CACNA2D1: variants seen among roughly 807,000 people sequenced by gnomAD.
CACNA2D1 encodes calcium voltage-gated channel auxiliary subunit alpha2delta 1.
Under a neutral mutation model 171.5 loss-of-function variants are expected in CACNA2D1, and 53 were observed. The ratio of observed to expected loss-of-function variants is 0.31; its 90% CI spans 0.25 to 0.39. The LOEUF (loss-of-function observed/expected upper bound fraction) is 0.39, where lower values mean the gene tolerates loss of function less well. Among genes scored for constraint, CACNA2D1 ranks in the 10% least tolerant of loss-of-function variants. The pLI is 1.00. For missense variants in CACNA2D1, 903 were observed against 1,299.8 expected, an observed-to-expected ratio of 0.69 and a Z score of 4.69; for synonymous variants, 442 against 443.1, an observed-to-expected ratio of 1.00 and a Z score of 0.03.
At chr7:82,060,211 A>ATAATATATATATATTATATATATATT (rs374742133) in intron 10 of CACNA2D1, among the ~76,000 whole-genome samples, 4 of 31,364 alleles carry the variant, frequency 1.3e-4, no homozygotes, top group Admixed American at 7.5e-4. Flanking sequence ...TTATATATAT[A>ATAATATATATATATTATATATATATT]ATATATATAT....
chr7:81,963,095 T>C (rs1794334144), intron 34 of CACNA2D1, among the ~76,000 whole-genome samples: 1 of 151,916 alleles, frequency 6.6e-6, no homozygotes, highest in Non-Finnish European at 1.5e-5. Context: ...GGAGGGGATA[T>C]AGGATAAAGC....
At chr7:82,007,118 C>T (rs1799197224) in intron 16 of CACNA2D1, among the ~76,000 whole-genome samples, 1 of 151,726 alleles carries the variant, frequency 6.6e-6, no homozygotes, top group Admixed American at 6.6e-5. Context: ...CATTTTACTG[C>T]ATTGACAAAA....
At chr7:82,163,108 G>C (rs185007886) in intron 4 of CACNA2D1, among the ~76,000 whole-genome samples, 1 of 151,824 alleles carries the variant, frequency 6.6e-6, no homozygotes, top group Non-Finnish European at 1.5e-5. Context: ...ATTATCTCTG[G>C]GAATACAGTG....
At chr7:82,394,490 T>C (rs1260432790) in intron 1 of CACNA2D1, among the ~76,000 whole-genome samples, 1 of 152,126 alleles carries the variant, frequency 6.6e-6, no homozygotes, top group Non-Finnish European at 1.5e-5. Flanking sequence ...TGGAGATGGA[T>C]AGATACAGCC....
chr7:82,326,947 T>C (rs1198110957), intron 3 of CACNA2D1, among the ~76,000 whole-genome samples: 1 of 152,228 alleles, frequency 6.6e-6, no homozygotes, highest in Non-Finnish European at 1.5e-5. Flanking sequence ...TTTCATTCTA[T>C]TAAGTTTGTG....
intron 3 of CACNA2D1, among the ~76,000 whole-genome samples, chr7:82,235,002 A>T (rs1803385228): frequency 6.6e-6 from 1 of 152,148 alleles, no homozygotes. Context: ...GAAATAATAA[A>T]TGCACCTCCA....
chr7:82,099,535 C>A (rs1484652840), intron 6 of CACNA2D1, among the ~76,000 whole-genome samples: 1 of 66,482 alleles, frequency 1.5e-5, no homozygotes. Context: ...CTGCAAGCTC[C>A]GCCTCCCGGG....
At chr7:82,406,949 A>G (rs1293753898) in intron 1 of CACNA2D1, among the ~76,000 whole-genome samples, 1 of 152,236 alleles carries the variant, frequency 6.6e-6, no homozygotes, top group Non-Finnish European at 1.5e-5. Flanking sequence ...TGTATGTTTT[A>G]GTAATTTCAT....
At chr7:82,216,081 C>A (rs1446034651) in intron 3 of CACNA2D1, among the ~76,000 whole-genome samples, 3 of 152,136 alleles carry the variant, frequency 2.0e-5, no homozygotes, top group Admixed American at 6.6e-5. Flanking sequence ...TCACAGATTT[C>A]TTGGCCATAT....
chr7:82,434,179 T>C (rs1829932239), intron 1 of CACNA2D1, among the ~76,000 whole-genome samples: 1 of 152,320 alleles, frequency 6.6e-6, no homozygotes. Context: ...CTCACCTTTT[T>C]CTGCAGTTGT....
intron 3 of CACNA2D1, among the ~76,000 whole-genome samples, chr7:82,319,343 G>A (rs1358017084): frequency 6.6e-6 from 1 of 151,942 alleles, no homozygotes; most frequent in Non-Finnish European, 1.5e-5. Flanking sequence ...TGTTAACAAA[G>A]ACATCAAAAA....
At chr7:82,272,744 T>C (rs1808801294) in intron 3 of CACNA2D1, among the ~76,000 whole-genome samples, 1 of 152,216 alleles carries the variant, frequency 6.6e-6, no homozygotes, top group African/African-American at 2.4e-5. Flanking sequence ...AACTTATTTC[T>C]GAATGTTTCC....
chr7:82,011,916 T>C (rs1799823876), intron 15 of CACNA2D1: 1 of 402,962 alleles, frequency 2.5e-6, no homozygotes, highest in Admixed American at 4.0e-5. Flanking sequence ...AAATTCTACA[T>C]TCCCAATGAA....
At chr7:82,116,135 TC>T (rs1003913371) in intron 6 of CACNA2D1, among the ~76,000 whole-genome samples, 1 of 152,098 alleles carries the variant, frequency 6.6e-6, no homozygotes, top group African/African-American at 2.4e-5. Flanking sequence ...AGCAGTTCTT[TC>T]CCCTTACCCT....
At chr7:82,256,803 T>C (rs553677685) in intron 3 of CACNA2D1, among the ~76,000 whole-genome samples, 3 of 152,300 alleles carry the variant, frequency 2.0e-5, no homozygotes, top group African/African-American at 7.2e-5. Flanking sequence ...AATACGAATC[T>C]CTAAGGCATT....
intron 3 of CACNA2D1, among the ~76,000 whole-genome samples, chr7:82,220,081 A>C (rs1406595780): frequency 6.6e-6 from 1 of 152,194 alleles, no homozygotes; most frequent in Admixed American, 6.6e-5. Flanking sequence ...ATAAAATTAG[A>C]AATAGTGATA....
At chr7:82,152,851 T>C (rs1794001175) in intron 4 of CACNA2D1, among the ~76,000 whole-genome samples, 1 of 152,010 alleles carries the variant, frequency 6.6e-6, no homozygotes, top group Non-Finnish European at 1.5e-5. Flanking sequence ...ATTTTACATA[T>C]AGAAGAATTA....
chr7:82,019,698 TC>T (rs1263675869), intron 12 of CACNA2D1, among the ~76,000 whole-genome samples: 6 of 152,166 alleles, frequency 3.9e-5, no homozygotes, highest in Admixed American at 6.6e-5. Flanking sequence ...GGAATTTGTT[TC>T]CCAGCAGAAC....
intron 20 of CACNA2D1, among the ~76,000 whole-genome samples, chr7:81,993,462 G>A (rs991541888): frequency 6.6e-6 from 1 of 152,028 alleles, no homozygotes; most frequent in Non-Finnish European, 1.5e-5. Context: ...AGCTACTTTG[G>A]CTAAACCAAA....
Sources: allele counts gnomAD v4.1 joint callset (sites outside exome capture counted in the v4.1 genomes callset), GRCh38; gene constraint gnomAD v4.1.1; transcripts MANE v1.5; gene names NCBI Gene and HGNC (gene_info 2026-07-23, HGNC 2026-07-21).